Variants in LRTM3 observed in about 807,000 individuals in gnomAD.
LRTM3 encodes leucine rich repeat transmembrane protein 3, also known as leucine-rich repeat transmembrane protein 3.
the LRTM3 span, chr13:102,740,587 A>G: frequency 6.5e-7 from 1 of 1,549,052 alleles, no homozygotes; most frequent in Non-Finnish European, 8.7e-7. Flanking sequence ...CAACTATGAC[A>G]TCCATTTGTT....
At chr13:102,731,403 T>C in the LRTM3 span, 18 of 1,551,514 alleles carry the variant, frequency 1.2e-5, no homozygotes, top group Non-Finnish European at 1.6e-5. Context: ...ATCTCTGGTA[T>C]CAGATTCAGT....
chr13:102,737,452 C>T, the LRTM3 span: 4 of 1,550,746 alleles, frequency 2.6e-6, no homozygotes, highest in Middle Eastern at 1.7e-4. Flanking sequence ...TTTTCTCTTG[C>T]TCTGTGCCTA....
chr13:102,744,138 G>A, the LRTM3 span: 18 of 1,550,406 alleles, frequency 1.2e-5, no homozygotes, highest in Admixed American at 7.9e-5. Context: ...TACTTAAAAC[G>A]GTGTTGCTTT....
chr13:102,742,301 A>G, the LRTM3 span: 10 of 1,549,954 alleles, frequency 6.5e-6, no homozygotes, highest in Admixed American at 2.0e-5. Context: ...TTTGGTATGC[A>G]TAGTACTTTC....
At chr13:102,739,769 A>G in the LRTM3 span, 2 of 1,548,994 alleles carry the variant, frequency 1.3e-6, no homozygotes, top group East Asian at 4.9e-5. Flanking sequence ...CACCCCATCA[A>G]TTGTTTCTTT....
At chr13:102,748,031 G>A in the LRTM3 span, 1 of 1,550,984 alleles carries the variant, frequency 6.4e-7, no homozygotes, top group East Asian at 2.4e-5. Flanking sequence ...TGCGTTCTGT[G>A]TTTCCTTCTC....
chr13:102,740,629 G>A, the LRTM3 span: 71 of 1,548,480 alleles, frequency 4.6e-5, no homozygotes, highest in Non-Finnish European at 6.0e-5. Context: ...AAGTTAAATA[G>A]TCATAATGTG....
the LRTM3 span, chr13:102,733,665 G>A: frequency 6.4e-7 from 1 of 1,551,298 alleles, no homozygotes; most frequent in Admixed American, 2.0e-5. Flanking sequence ...CCTGTAAAGA[G>A]CCATTCCGGC....
the LRTM3 span, chr13:102,739,656 A>G: frequency 1.3e-6 from 2 of 1,550,494 alleles, no homozygotes; most frequent in Non-Finnish European, 1.7e-6. Flanking sequence ...CTTGGCTTCA[A>G]AATGATGTTA....
the LRTM3 span, chr13:102,748,705 T>C: frequency 6.5e-7 from 1 of 1,549,898 alleles, no homozygotes; most frequent in Non-Finnish European, 8.7e-7. Context: ...TAATACCAAT[T>C]CCCTTTGCTT....
At chr13:102,743,950 C>T in the LRTM3 span, 18 of 1,550,358 alleles carry the variant, frequency 1.2e-5, no homozygotes, top group African/African-American at 2.7e-5. Context: ...CTTCCTTTTC[C>T]TCTGTAATAT....
chr13:102,735,549 A>G, the LRTM3 span: 2 of 1,550,908 alleles, frequency 1.3e-6, no homozygotes, highest in Non-Finnish European at 1.7e-6. Context: ...TTACTTTTCC[A>G]CTGCAATTTT....
chr13:102,740,190 C>A, the LRTM3 span: 1 of 1,548,554 alleles, frequency 6.5e-7, no homozygotes, highest in East Asian at 2.4e-5. Flanking sequence ...AAATCAAAGA[C>A]CTGTACCCCA....
the LRTM3 span, chr13:102,731,711 T>C: frequency 6.4e-7 from 1 of 1,551,340 alleles, no homozygotes; most frequent in Admixed American, 2.0e-5. Context: ...TGCAACTATT[T>C]TGACTTCGCT....
chr13:102,758,438 A>G, the LRTM3 span: 2 of 1,536,214 alleles, frequency 1.3e-6, no homozygotes, highest in African/African-American at 1.4e-5. Flanking sequence ...TTAATAACTG[A>G]CCAATTCTCT....
chr13:102,750,366 T>G, the LRTM3 span: 1 of 1,508,572 alleles, frequency 6.6e-7, no homozygotes, highest in East Asian at 2.5e-5. Flanking sequence ...GAAGTAATTC[T>G]TTTTTCTAAA....
the LRTM3 span, chr13:102,733,705 T>A: frequency 6.4e-7 from 1 of 1,551,370 alleles, no homozygotes; most frequent in Non-Finnish European, 8.7e-7. Context: ...TACCAAACCC[T>A]GTGAAATAAA....
At chr13:102,734,522 C>T in the LRTM3 span, 25 of 1,551,136 alleles carry the variant, frequency 1.6e-5, no homozygotes, top group Admixed American at 2.2e-4. Flanking sequence ...CATACAGGAA[C>T]GAGGTGACTT....
the LRTM3 span, among the ~76,000 whole-genome samples, chr13:102,751,643 G>A: frequency 6.6e-6 from 1 of 152,134 alleles, no homozygotes; most frequent in Non-Finnish European, 1.5e-5. Context: ...AATTCTAGTA[G>A]CTATTTGTTT....
Sources: allele counts gnomAD v4.1 joint callset (sites outside exome capture counted in the v4.1 genomes callset), GRCh38; gene constraint gnomAD v4.1.1; transcripts MANE v1.5; gene names NCBI Gene and HGNC (gene_info 2026-07-23, HGNC 2026-07-21).